Variants in AKT3 observed in about 807,000 individuals in gnomAD.
AKT3 encodes the protein RAC-gamma serine/threonine-protein kinase.
AKT3 carries 15 observed loss-of-function variants against 65.3 expected under a neutral mutation model. The observed-to-expected ratio is 0.23, with a 90% confidence interval of 0.15 to 0.35. The LOEUF (loss-of-function observed/expected upper bound fraction) is 0.35. AKT3 is among the 10% of genes least tolerant of loss of function. The pLI, the probability that AKT3 is intolerant of heterozygous loss-of-function variation, is 1.00. For missense variants in AKT3, 243 were observed against 576.5 expected (o/e 0.42, Z 5.92); for synonymous variants, 206 against 183.8 (o/e 1.12, Z -0.98).
rs1669222139 is a variant in AKT3 at position 243,500,845 on chromosome 1, T to C, written c.*4404A>G. 2 of 229,126 alleles carry C rather than the reference T, an allele frequency of 8.7e-6. No homozygotes were observed. The highest frequency in any genetic ancestry group is 1.8e-4 in the South Asian group (1 of 5,506). 14.2% of individuals were successfully genotyped at this position (229,126 alleles called of 1,614,324 possible). On this transcript the variant is annotated 3_prime_UTR_variant, in exon 14 of 14. Transcript: ENST00000673466. ...TGTAAAAGGTTCAAGCCTGAAACAG[T>C]AGAACTTCTATTCAGATTCAGAAGT... is the stretch of plus-strand genomic sequence containing the variant.
chr1:243,833,833 G>C (rs1289618688), intron 2 of AKT3, among the ~76,000 whole-genome samples: 1 of 151,786 alleles, frequency 6.6e-6, no homozygotes, highest in Non-Finnish European at 1.5e-5. Flanking sequence ...GAAAAGGTGG[G>C]AGGATCGCTT....
At chr1:243,811,460 C>T (rs941561547) in intron 2 of AKT3, among the ~76,000 whole-genome samples, 3 of 152,172 alleles carry the variant, frequency 2.0e-5, no homozygotes, top group African/African-American at 4.8e-5. Context: ...ATCCAACTTA[C>T]AAGGGATGTG....
Position 243,773,794 on chromosome 1 carries a change from G to A in AKT3, c.46+69331C>T, listed in dbSNP as rs78316786. 4.8e-3 allele frequency among the ~76,000 whole-genome samples: 733 copies of A among 152,208 alleles called. 5 individuals are homozygous for A. Among genetic ancestry groups the A allele is most frequent in the African/African-American group, 0.017 (689 of 41,528 alleles). On this transcript the variant is annotated intron_variant, in intron 2 of 13. Transcript: ENST00000673466. The stretch of plus-strand genomic sequence containing the variant: ...CAACTGACAACAGGTTGTAAATTAA[G>A]GAGCAGACTCAAAAAGTTCTCTTCT...
intron 2 of AKT3, among the ~76,000 whole-genome samples, chr1:243,734,592 C>T (rs1202676844): frequency 1.3e-5 from 2 of 152,008 alleles, no homozygotes; most frequent in African/African-American, 2.4e-5. Context: ...GCACTTACCA[C>T]GAATGGGGCT....
intron 8 of AKT3, among the ~76,000 whole-genome samples, chr1:243,585,812 T>C (rs182077829): frequency 6.6e-6 from 1 of 152,262 alleles, no homozygotes; most frequent in African/African-American, 2.4e-5. Context: ...AGAAACACCA[T>C]TCTTGACATT....
downstream of AKT3, among the ~76,000 whole-genome samples, chr1:243,498,923 T>A (rs1668770226): frequency 6.6e-6 from 1 of 152,258 alleles, no homozygotes; most frequent in Non-Finnish European, 1.5e-5. Context: ...GAAAATACCA[T>A]CCTGGCTTTT....
intron 3 of AKT3, among the ~76,000 whole-genome samples, chr1:243,675,194 C>T (rs1262258235): frequency 6.6e-6 from 1 of 152,146 alleles, no homozygotes; most frequent in Non-Finnish European, 1.5e-5. Flanking sequence ...GACCAAGATG[C>T]AGATTCAAAG....
intron 3 of AKT3, among the ~76,000 whole-genome samples, chr1:243,673,066 T>C (rs780446559): frequency 9.2e-5 from 14 of 152,232 alleles, no homozygotes; most frequent in Admixed American, 5.2e-4. Context: ...ATTTTGGTTT[T>C]TGCAGTATAA....
At chr1:243,495,189 G>A (rs952066140), downstream of AKT3, among the ~76,000 whole-genome samples, 1 of 152,238 alleles carries the variant, frequency 6.6e-6, no homozygotes, top group African/African-American at 2.4e-5. Flanking sequence ...TGGCACCGCA[G>A]AGCCAGGGCC....
chr1:243,514,788 T>A (rs1670243565), intron 12 of AKT3, among the ~76,000 whole-genome samples: 1 of 152,164 alleles, frequency 6.6e-6, no homozygotes, highest in Admixed American at 6.5e-5. Context: ...ATTATGCTAT[T>A]GCATTCCAAC....
intron 7 of AKT3, 127 bp from the exon 8 acceptor site, chr1:243,613,866 G>C (rs1003362853): frequency 3.7e-6 from 2 of 538,244 alleles, no homozygotes; most frequent in Non-Finnish European, 6.1e-6. Flanking sequence ...TTGTTTAAGA[G>C]TTTATTTACT....
chr1:243,596,274 T>C (rs1676607278), intron 8 of AKT3, among the ~76,000 whole-genome samples: 1 of 152,166 alleles, frequency 6.6e-6, no homozygotes, highest in South Asian at 2.1e-4. Context: ...AAAACGTCTG[T>C]TCCTCAAAAG....
At chr1:243,841,494 A>G (rs1331911138) in intron 2 of AKT3, among the ~76,000 whole-genome samples, 1 of 152,226 alleles carries the variant, frequency 6.6e-6, no homozygotes, top group Non-Finnish European at 1.5e-5. Context: ...AAGCCTTTAT[A>G]AAGCACTGAA....
chr1:243,832,256 G>A (rs961144420), intron 2 of AKT3, among the ~76,000 whole-genome samples: 1 of 149,106 alleles, frequency 6.7e-6, no homozygotes, highest in African/African-American at 2.5e-5. Context: ...TTCAAACTCG[G>A]TTTAAACTAT....
intron 1 of AKT3, among the ~76,000 whole-genome samples, chr1:243,843,764 G>A (rs2148478950): frequency 6.6e-6 from 1 of 150,826 alleles, no homozygotes; most frequent in East Asian, 2.0e-4. Flanking sequence ...CGATTCTTCT[G>A]CCTCAGCCTC....
chr1:243,545,458 T>C (rs940078795), intron 12 of AKT3, 52 bp downstream of exon 12: 10 of 1,050,962 alleles, frequency 9.5e-6, no homozygotes, highest in African/African-American at 4.8e-5. Context: ...TATAAATTCA[T>C]TTTAGCAGTG....
At chr1:243,640,989 T>C (rs967932598) in intron 5 of AKT3, among the ~76,000 whole-genome samples, 1 of 152,036 alleles carries the variant, frequency 6.6e-6, no homozygotes, top group Non-Finnish European at 1.5e-5. Context: ...TACCCACCCT[T>C]AAGCCGGGTG....
chr1:243,848,710 C>T (rs998572735), intron 1 of AKT3, among the ~76,000 whole-genome samples: 1 of 152,148 alleles, frequency 6.6e-6, no homozygotes, highest in Non-Finnish European at 1.5e-5. Flanking sequence ...AATGTATTAA[C>T]TACAAAAAGC....
At chr1:243,712,592 A>G (rs1193458252) in intron 2 of AKT3, among the ~76,000 whole-genome samples, 1 of 152,162 alleles carries the variant, frequency 6.6e-6, no homozygotes, top group Non-Finnish European at 1.5e-5. Flanking sequence ...GGAAAAAAGA[A>G]AAAAGGAGAA....
Sources: allele counts gnomAD v4.1 joint callset (sites outside exome capture counted in the v4.1 genomes callset), GRCh38; gene constraint gnomAD v4.1.1; transcripts MANE v1.5; gene names NCBI Gene and HGNC (gene_info 2026-07-23, HGNC 2026-07-21).